TRIP4: variants seen among roughly 807,000 people sequenced by gnomAD.
TRIP4 encodes the protein thyroid hormone receptor interactor 4.
A neutral mutation model predicts 81.8 loss-of-function variants in TRIP4; 54 were observed. That is an observed-to-expected ratio of 0.66 (90% confidence interval 0.53 to 0.83). The LOEUF is 0.83. Among genes scored for constraint, TRIP4 ranks in the 40% least tolerant of loss-of-function variants. The pLI is 0.00. For missense variants in TRIP4, 662 were observed against 683.6 expected (o/e 0.97, Z 0.35); for synonymous variants, 270 against 242.8 (o/e 1.11, Z -1.04).
At position 64,436,387 on chromosome 15, in the gene TRIP4, T is replaced by C. The variant is rs142789340; in HGVS notation, c.1576-8619T>C. 8.3e-3 allele frequency among the ~76,000 whole-genome samples: 1,255 copies of C among 150,712 alleles called. 16 individuals are homozygous for C. Among genetic ancestry groups the C allele is most frequent in the African/African-American group, 0.029 (1,205 of 40,994 alleles). ...GGCGGGCAGATCACGAGGTCAGGAG[T>C]TCAAGACCAGCCTGGGCAGCATGGT... On this transcript the variant is annotated intron_variant, in intron 11 of 12. Coordinates refer to ENST00000261884, the MANE Select transcript of TRIP4 (RefSeq NM_016213.5).
At position 64,394,095 on chromosome 15, in the gene TRIP4, A is replaced by C; in HGVS notation, c.251A>C (p.Gln84Pro). 6.3e-7 allele frequency: 1 copy of C among 1,599,520 alleles called. No individual in the cohort carries two copies. The highest frequency in any genetic ancestry group is 8.5e-7 in the Non-Finnish European group (1 of 1,173,266). ...CAGGAGTTGATTTCGGATCCTTTGC[A>C]GCAGTGCTTCAAAAAAGATGGTAAG... ...NDQELISDPL[Q>P]QCFKKDEILD... The change falls in exon 2 of 13, where the codon CAG (glutamine) becomes CCG (proline). Residue 84 changes from glutamine to proline, a missense_variant. Gln to Pro is a moderately conservative substitution (Grantham distance 76, BLOSUM62 -1). Coordinates refer to ENST00000261884, the MANE Select transcript of TRIP4 (RefSeq NM_016213.5).
At chr15:64,399,953 T>A (rs72758953) in intron 4 of TRIP4, among the ~76,000 whole-genome samples, 1 of 144,278 alleles carries the variant, frequency 6.9e-6, no homozygotes, top group African/African-American at 2.6e-5. Flanking sequence ...CCAGTCTGGG[T>A]GACAAAGCCA....
intron 11 of TRIP4, among the ~76,000 whole-genome samples, chr15:64,432,804 G>A (rs149041005): frequency 0.017 from 2,546 of 151,684 alleles, 63 homozygotes; most frequent in African/African-American, 0.058. Context: ...CCAGCTACTC[G>A]GGAGGCTGAG....
chr15:64,389,489 A>T (rs1332225920), intron 1 of TRIP4, among the ~76,000 whole-genome samples: 1 of 152,080 alleles, frequency 6.6e-6, no homozygotes, highest in East Asian at 1.9e-4. Flanking sequence ...AAAGTAAACA[A>T]CAAGATAAAG....
chr15:64,429,935 CT>C (rs2140303933), intron 11 of TRIP4, among the ~76,000 whole-genome samples: 1 of 152,184 alleles, frequency 6.6e-6, no homozygotes, highest in African/African-American at 2.4e-5. Flanking sequence ...GTTCCTTTTT[CT>C]TTTCCCCCCA....
At chr15:64,436,142 A>G (rs1046982710) in intron 11 of TRIP4, among the ~76,000 whole-genome samples, 1 of 152,044 alleles carries the variant, frequency 6.6e-6, no homozygotes, top group Admixed American at 6.5e-5. Context: ...TAAAAATACA[A>G]AAATTAACCG....
chr15:64,388,976 A>G (rs1048788635), intron 1 of TRIP4, among the ~76,000 whole-genome samples: 10 of 152,192 alleles, frequency 6.6e-5, no homozygotes, highest in African/African-American at 2.4e-4. Context: ...AAGACAAGAC[A>G]GTTGGGTTCC....
At chr15:64,404,275 T>A (rs187939975) in intron 5 of TRIP4, among the ~76,000 whole-genome samples, 2 of 152,308 alleles carry the variant, frequency 1.3e-5, no homozygotes, top group African/African-American at 4.8e-5. Flanking sequence ...CATTTCAAAT[T>A]TGTTTTAGTT....
intron 5 of TRIP4, among the ~76,000 whole-genome samples, chr15:64,405,930 T>A (rs1891612936): frequency 6.6e-6 from 1 of 152,234 alleles, no homozygotes; most frequent in South Asian, 2.1e-4. Flanking sequence ...AGTTTGAGAC[T>A]GCAGTGAGCT....
chr15:64,445,275 C>A, intron 12 of TRIP4, 167 bp downstream of exon 12: 1 of 398,016 alleles, frequency 2.5e-6, no homozygotes, highest in African/African-American at 2.1e-5. Flanking sequence ...GTCTAATTTT[C>A]TTTTCTTTTC....
At chr15:64,419,280 A>G (rs1311661679) in intron 9 of TRIP4, among the ~76,000 whole-genome samples, 2 of 152,204 alleles carry the variant, frequency 1.3e-5, no homozygotes, top group African/African-American at 4.8e-5. Flanking sequence ...GAGGTATTAT[A>G]CAGCTGAGTT....
intron 11 of TRIP4, 48 bp downstream of exon 11, chr15:64,425,679 T>A: frequency 6.6e-7 from 1 of 1,512,616 alleles, no homozygotes. Flanking sequence ...TTCGCCATGT[T>A]GGCCAGGCTG....
At chr15:64,441,005 A>G (rs867557642) in intron 11 of TRIP4, among the ~76,000 whole-genome samples, 1 of 139,174 alleles carries the variant, frequency 7.2e-6, no homozygotes, top group Admixed American at 7.1e-5. Flanking sequence ...TTTTTTTTTT[A>G]TTTTTGAGAC....
At chr15:64,439,924 G>T (rs1444329177) in intron 11 of TRIP4, among the ~76,000 whole-genome samples, 2 of 151,990 alleles carry the variant, frequency 1.3e-5, no homozygotes, top group African/African-American at 2.4e-5. Context: ...GATCATTTCA[G>T]TACAAGAATG....
intron 1 of TRIP4, among the ~76,000 whole-genome samples, chr15:64,389,787 C>T (rs1900065591): frequency 6.7e-6 from 1 of 149,416 alleles, no homozygotes; most frequent in South Asian, 2.1e-4. Flanking sequence ...TCGCTGCAAC[C>T]TCCGCCTCCC....
At chr15:64,394,732 A>C (rs1900240500) in intron 2 of TRIP4, among the ~76,000 whole-genome samples, 1 of 152,226 alleles carries the variant, frequency 6.6e-6, no homozygotes, top group African/African-American at 2.4e-5. Flanking sequence ...CCTGGATGTA[A>C]GTAAAGTGTT....
chr15:64,387,895 C>G lies in TRIP4; in HGVS notation c.32C>G (p.Pro11Arg), dbSNP rs746056631. MAVAGAVSGE[P>R]LVHWCTQQLR... ...GTGGCTGGGGCGGTGTCCGGGGAGC[C>G]GCTGGTGCACTGGTGCACCCAGCAG... Residue 11 changes from proline to arginine, a missense_variant, in exon 1 of 13, where the codon CCG (proline) becomes CGG (arginine). Physicochemically the swap from Pro to Arg is moderately radical, Grantham distance 103. Coordinates refer to ENST00000261884, the MANE Select transcript of TRIP4 (RefSeq NM_016213.5). The G allele has an allele frequency of 1.3e-6, 2 of 1,549,458 alleles. No individual in the cohort carries two copies. The highest frequency in any genetic ancestry group is 2.4e-5 in the South Asian group (2 of 83,968).
chr15:64,401,444 A>AT (rs1199633508), intron 5 of TRIP4, among the ~76,000 whole-genome samples: 3 of 151,514 alleles, frequency 2.0e-5, no homozygotes, highest in Non-Finnish European at 2.9e-5. Flanking sequence ...CAATATTTAC[A>AT]TTTTTTTAGT....
chr15:64,451,156 A>C (rs1892748545), intron 12 of TRIP4, among the ~76,000 whole-genome samples: 1 of 152,010 alleles, frequency 6.6e-6, no homozygotes, highest in Admixed American at 6.6e-5. Flanking sequence ...TCTGTTGCCC[A>C]GGCTGGCATG....
Sources: gnomAD v4.1 joint callset for allele counts (sites outside exome capture counted in the v4.1 genomes callset) on GRCh38, gnomAD v4.1.1 for gene constraint, MANE v1.5 for transcripts, NCBI Gene and HGNC (gene_info 2026-07-23, HGNC 2026-07-21) for gene names.